Variants in DECR2 observed in about 807,000 individuals in gnomAD.
The protein encoded by DECR2 is peroxisomal 2,4-dienoyl-CoA reductase [(3E)-enoyl-CoA-producing].
Under a neutral mutation model 29.2 loss-of-function variants are expected in DECR2, and 34 were observed. The observed-to-expected ratio is 1.16, with a 90% CI of 0.89 to 1.55. The LOEUF (loss-of-function observed/expected upper bound fraction) is 1.55, where lower values mean the gene tolerates loss of function less well. DECR2 is among the 40% of genes most tolerant of loss of function. DECR2 has a pLI of 0.00. For synonymous variants in DECR2, 224 were observed against 182.7 expected (o/e 1.23, Z -1.82); for missense variants, 485 against 425.3 (o/e 1.14, Z -1.23).
chr16:410,262 G>T lies in DECR2; in HGVS notation c.357G>T (p.Leu119=). 1 of 1,613,422 alleles carries T rather than the reference G, an allele frequency of 6.2e-7. No individual in the cohort carries two copies. Among genetic ancestry groups the T allele is most frequent in the Non-Finnish European group, 8.5e-7 (1 of 1,179,776 alleles). ...CTGCAGGTGCGGCCGGGAACTTCCT[G>T]TGCCCCGCTGGCGCCTTGTCCTTCA... ...ILINCAAGNF[L]CPAGALSFNA... The change falls in exon 5 of 9, where the codon CTG becomes CTT. Residue 119 remains leucine (L), a synonymous_variant. Transcript: ENST00000219481. This position sits in a 1 kb window ranked among gnomAD's most constrained non-coding sequence, Gnocchi z 4.1.
At chr16:406,444 G>A (rs762735229) in intron 3 of DECR2, 47 bp downstream of exon 3, 30 of 1,588,364 alleles carry the variant, frequency 1.9e-5, no homozygotes, top group South Asian at 4.4e-5. Context: ...GCTGTGGGGG[G>A]GCTGGGGCTG....
intron 1 of DECR2, among the ~76,000 whole-genome samples, 158 bp downstream of exon 1, chr16:402,201 A>G (rs1333106072): frequency 1.3e-5 from 2 of 148,850 alleles, no homozygotes; most frequent in African/African-American, 5.0e-5. Context: ...TTGAGACGGA[A>G]TCTCGCTGTG....
Position 411,033 on chromosome 16 carries a change from C to T in DECR2, c.618C>T (p.Leu206=), listed in dbSNP as rs1191455955. 8 of 1,590,702 alleles carry T rather than the reference C, an allele frequency of 5.0e-6. No homozygotes were observed. In the Admixed American group the frequency reaches 5.3e-5, roughly 11 times the overall value. The change falls in exon 7 of 9, where the codon CTC becomes CTT. Residue 206 remains leucine, a synonymous_variant. Coordinates refer to ENST00000219481, the MANE Select transcript of DECR2 (RefSeq NM_020664.4). ...WGPQNIRVNS[L]APGPISGTEG... is the part of the protein sequence containing the mutation. ...CCCAAAACATCCGCGTCAACAGCCT[C>T]GCCCCTGGCCCCATCAGTGGCACAG...
At chr16:407,975 C>A (rs2054753212) in intron 4 of DECR2, among the ~76,000 whole-genome samples, 1 of 112,106 alleles carries the variant, frequency 8.9e-6, no homozygotes, top group Non-Finnish European at 1.9e-5. Context: ...CTCCGGCCCC[C>A]TGTCTCCGGG....
intron 1 of DECR2, among the ~76,000 whole-genome samples, chr16:404,172 C>CA (rs1257725332): frequency 3.3e-5 from 5 of 149,426 alleles, no homozygotes; most frequent in African/African-American, 7.4e-5. Context: ...GACTCCATCT[C>CA]AAAAAAAATA....
At chr16:406,656 C>T in intron 3 of DECR2, 1 of 627,434 alleles carries the variant, frequency 1.6e-6, no homozygotes, top group Non-Finnish European at 2.8e-6. Flanking sequence ...CGCCACCACG[C>T]CTGGCTAATT....
At position 406,387 on chromosome 16, in the gene DECR2, G is replaced by GA; in HGVS notation, c.192dup (p.Val65SerfsTer48). 1 of 1,607,864 alleles carries GA rather than the reference G, an allele frequency of 6.2e-7. No individual in the cohort carries two copies. The highest frequency in any genetic ancestry group is 8.5e-7 in the Non-Finnish European group (1 of 1,179,932). On this transcript the variant is annotated frameshift_variant, in exon 3 of 9. Transcript: ENST00000219481. LOFTEE classifies it high-confidence loss of function. Reference sequence around the variant, plus strand: ...GTGATTGCCAGTAGGAGCCTGCCGCGAGTGCTGACGGTGAGAGGGCCTCTC... The same window carrying GA: ...GTGATTGCCAGTAGGAGCCTGCCGCGAAGTGCTGACGGTGAGAGGGCCTCTC...
In DECR2 at chr16:407,430, C is replaced by T; in HGVS notation, c.207C>T (p.Ala69=). The part of the protein sequence containing the change: ...SRSLPRVLTA[A]RKLAGATGRR... The stretch of plus-strand genomic sequence containing the variant: ...CCTCTTTACCTGGCTTCTAGGCCGC[C>T]AGGAAGCTGGCTGGGGCCACCGGCC... The change falls in exon 4 of 9, where the codon GCC becomes GCT. Residue 69 remains alanine (A), a synonymous_variant. Transcript: ENST00000219481. 6.2e-7 allele frequency: 1 copy of T among 1,607,722 alleles called. No individual in the cohort carries two copies. Among genetic ancestry groups the T allele is most frequent in the Non-Finnish European group, 8.5e-7 (1 of 1,178,448 alleles).
chr16:407,087 G>C, intron 3 of DECR2: 1 of 1,110,628 alleles, frequency 9.0e-7, no homozygotes, highest in Non-Finnish European at 1.1e-6. Flanking sequence ...TAGGTGGTCC[G>C]TGCGTCCCAC....
At position 407,577 on chromosome 16, in the gene DECR2, T is replaced by G. The variant is rs1319239201; in HGVS notation, c.337+17T>G. On this transcript the variant is annotated intron_variant, in intron 4 of 8. Transcript: ENST00000219481. ...TCATTAACTGTGAGTCGGTGCTGAG[T>G]GAGGTTGGTGGCTTCTCACAGGTTG... is the stretch of plus-strand genomic sequence containing the variant. 1.9e-6 allele frequency: 3 copies of G among 1,612,978 alleles called. No individual in the cohort carries two copies. In the African/African-American group the frequency reaches 4.0e-5, roughly 22 times the overall value.
intron 4 of DECR2, 69 bp downstream of exon 4, chr16:407,629 T>C (rs1249536361): frequency 6.3e-7 from 1 of 1,588,598 alleles, no homozygotes; most frequent in Non-Finnish European, 8.6e-7. Context: ...GCCCTAGAAC[T>C]CTGGTCATGG....
chr16:405,710 G>A lies in DECR2; in HGVS notation c.150-636G>A, dbSNP rs960079552. On this transcript the variant is annotated intron_variant, in intron 2 of 8. Coordinates refer to ENST00000219481, the MANE Select transcript of DECR2 (RefSeq NM_020664.4). ...TGTGGGCAGAAGCGTAGTCTTGGGT[G>A]GCTGTGAGACGGGCGTCTCCATGCT... 7 of 878,276 alleles carry A rather than the reference G, an allele frequency of 8.0e-6. No homozygotes were observed. The African/African-American group carries it at 1.0e-4, about 13-fold the overall frequency. The allele number at this position is 878,276 out of a possible 1,614,324, so 54.4% of individuals were successfully genotyped here. A position where few individuals can be genotyped will look rare whatever the true frequency, so the allele number is the denominator to read the frequency against.
At chr16:404,272 CTT>C (rs1382065388) in intron 1 of DECR2, among the ~76,000 whole-genome samples, 1 of 151,766 alleles carries the variant, frequency 6.6e-6, no homozygotes, top group African/African-American at 2.4e-5. Context: ...ATGTTTCGCT[CTT>C]GTTGCCCAGG....
chr16:410,920 G>T lies in DECR2; in HGVS notation c.557-52G>T. ...CAGCGAGACCTGGCCTTGGCCCTGC[G>T]CCCTCGCAGAGGGCAGAGCGGCCCT... On this transcript the variant is annotated intron_variant, in intron 6 of 8. Transcript: ENST00000219481. The surrounding 1 kb of genome is among the most constrained non-coding windows in gnomAD (Gnocchi z 4.1). 6.5e-7 allele frequency: 1 copy of T among 1,549,082 alleles called. No homozygotes were observed. The highest frequency in any genetic ancestry group is 1.4e-5 in the African/African-American group (1 of 73,324).
intron 1 of DECR2, among the ~76,000 whole-genome samples, chr16:403,733 C>A (rs542512614): frequency 1.3e-5 from 2 of 152,218 alleles, no homozygotes; most frequent in Non-Finnish European, 2.9e-5. Context: ...GAAAAATTAG[C>A]TGGGCACTCT....
rs922704754 is a variant in DECR2, at chr16:405,124, C to T, written c.149+100C>T. On this transcript the variant is annotated intron_variant, in intron 2 of 8. Coordinates refer to ENST00000219481, the MANE Select transcript of DECR2 (RefSeq NM_020664.4). Reference sequence around the variant, plus strand: ...AAAGATGTTGGTGGGAGGTAGATGTCCCCTGCTCACCTACCCGACAGGATC... The same window carrying T: ...AAAGATGTTGGTGGGAGGTAGATGTTCCCTGCTCACCTACCCGACAGGATC... 1.1e-5 allele frequency: 15 copies of T among 1,385,554 alleles called. No homozygotes were observed. The South Asian group carries it at 1.4e-4, about 13-fold the overall frequency. 85.8% of individuals were successfully genotyped at this position (1,385,554 alleles called of 1,614,324 possible).
chr16:403,617 G>A (rs2054692400), intron 1 of DECR2, among the ~76,000 whole-genome samples: 1 of 152,138 alleles, frequency 6.6e-6, no homozygotes, highest in Non-Finnish European at 1.5e-5. Context: ...TCTGTCAAAA[G>A]ACACAGAAAT....
intron 1 of DECR2, 136 bp downstream of exon 1, chr16:402,179 CTTTTTTTTTT>C: frequency 1.8e-6 from 1 of 545,586 alleles, no homozygotes; most frequent in Non-Finnish European, 2.7e-6. Context: ...TTTTTTCTTT[CTTTTTTTTTT>C]TTTGAGACGG....
intron 8 of DECR2, 41 bp downstream of exon 8, chr16:411,619 T>C (rs1208750424): frequency 6.4e-7 from 1 of 1,574,710 alleles, no homozygotes; most frequent in Non-Finnish European, 8.6e-7. Flanking sequence ...TCTGTGTCCT[T>C]GGACGCTGGT....
Sources: gnomAD v4.1 joint callset for allele counts (sites outside exome capture counted in the v4.1 genomes callset) on GRCh38, gnomAD v4.1.1 for gene constraint, Gnocchi (gnomAD v3.1) non-coding constraint, MANE v1.5 for transcripts, NCBI Gene and HGNC (gene_info 2026-07-23, HGNC 2026-07-21) for gene names.